NTRK2: variants seen among roughly 807,000 people sequenced by gnomAD.
NTRK2 encodes neurotrophic receptor tyrosine kinase 2.
In NTRK2, 13 loss-of-function variants were observed where a neutral mutation model predicts 94.5. The ratio of observed to expected loss-of-function variants is 0.14; its 90% CI spans 0.09 to 0.22. The LOEUF (loss-of-function observed/expected upper bound fraction) is 0.22. Among genes scored for constraint, NTRK2 ranks in the 10% least tolerant of loss-of-function variants. NTRK2 has a pLI of 1.00. For missense variants in NTRK2, 639 were observed against 1,071.2 expected, an observed-to-expected ratio of 0.60 and a Z score of 5.63; for synonymous variants, 372 against 407.4, an observed-to-expected ratio of 0.91 and a Z score of 1.05.
At chr9:84,770,153 AACACACACACACACACACAC>A (rs35363257) in intron 12 of NTRK2, among the ~76,000 whole-genome samples, 1 of 136,956 alleles carries the variant, frequency 7.3e-6, no homozygotes, top group Admixed American at 7.4e-5. Context: ...TGTGCATGAG[AACACACACACACACACACAC>A]ACACACACAC....
chr9:84,902,784 G>A (rs1227207659), intron 14 of NTRK2, among the ~76,000 whole-genome samples: 1 of 152,158 alleles, frequency 6.6e-6, no homozygotes, highest in African/African-American at 2.4e-5. Flanking sequence ...CTGGCAGAGA[G>A]CGCTGGTTCA....
At chr9:84,683,357 AC>A (rs2059509858) in intron 2 of NTRK2, among the ~76,000 whole-genome samples, 1 of 151,820 alleles carries the variant, frequency 6.6e-6, no homozygotes, top group Non-Finnish European at 1.5e-5. Flanking sequence ...CCAACCCCTG[AC>A]AGGCCCTGGT....
At chr9:84,948,195 G>T (rs1225318683) in intron 15 of NTRK2, among the ~76,000 whole-genome samples, 1 of 152,168 alleles carries the variant, frequency 6.6e-6, no homozygotes, top group Admixed American at 6.5e-5. Flanking sequence ...GAATTATTGG[G>T]TGCAGACCAG....
chr9:84,797,264 C>T (rs1006665754), intron 12 of NTRK2, among the ~76,000 whole-genome samples: 1 of 151,882 alleles, frequency 6.6e-6, no homozygotes, highest in Non-Finnish European at 1.5e-5. Flanking sequence ...CTGGAACACA[C>T]CGACTCATTT....
rs200516383 is a variant in NTRK2, at chr9:84,670,470, C to T, written c.-279C>T. On this transcript the variant is annotated 5_prime_UTR_variant, in exon 2 of 19. Transcript: ENST00000277120. ...CGCCGCCGGTCGGTGCCCGGCGCGC[C>T]GGGCCATGCAGCGACGGCCGCCGCG... is the stretch of plus-strand genomic sequence containing the variant. The T allele has an allele frequency of 2.0e-6, 1 of 501,968 alleles. No individual in the cohort carries two copies. The highest frequency in any genetic ancestry group is 1.9e-5 in the African/African-American group (1 of 51,826). 31.1% of individuals were successfully genotyped at this position (501,968 alleles called of 1,614,324 possible). A position where few individuals can be genotyped will look rare whatever the true frequency, so the allele number is the denominator to read the frequency against.
At chr9:84,873,365 T>C (rs2075942612) in intron 14 of NTRK2, 4 of 1,058,504 alleles carry the variant, frequency 3.8e-6, no homozygotes, top group Non-Finnish European at 4.6e-6. Flanking sequence ...GGACAGAGAA[T>C]GCACTTATTT....
At chr9:84,864,858 A>T (rs1210824423) in intron 13 of NTRK2, among the ~76,000 whole-genome samples, 1 of 142,498 alleles carries the variant, frequency 7.0e-6, no homozygotes, top group Non-Finnish European at 1.5e-5. Flanking sequence ...CTCCTGTTTC[A>T]GCCCCCCGAG....
chr9:84,915,549 C>T (rs1235765307), intron 14 of NTRK2, among the ~76,000 whole-genome samples: 3 of 152,164 alleles, frequency 2.0e-5, no homozygotes, highest in Non-Finnish European at 4.4e-5. Flanking sequence ...ATCTGAGGCC[C>T]TCTCCAGAAG....
intron 14 of NTRK2, among the ~76,000 whole-genome samples, chr9:84,886,886 T>C (rs948396465): frequency 3.3e-5 from 5 of 152,172 alleles, no homozygotes; most frequent in African/African-American, 7.2e-5. Context: ...TCTTTGAGAA[T>C]TGGAATTTGA....
At chr9:84,711,348 C>T (rs764725564) in intron 6 of NTRK2, among the ~76,000 whole-genome samples, 3 of 152,224 alleles carry the variant, frequency 2.0e-5, no homozygotes, top group Non-Finnish European at 4.4e-5. Context: ...ACTTTACCGT[C>T]ATCCCCTATT....
intron 2 of NTRK2, among the ~76,000 whole-genome samples, chr9:84,700,920 G>GTCCATCCA (rs573326112): frequency 6.6e-6 from 1 of 151,912 alleles, no homozygotes; most frequent in East Asian, 1.9e-4. Flanking sequence ...CCATCCATCC[G>GTCCATCCA]TCCATCCATC....
chr9:84,860,872 C>T (rs2075301524), intron 12 of NTRK2, among the ~76,000 whole-genome samples, 168 bp from the exon 13 acceptor site: 1 of 151,460 alleles, frequency 6.6e-6, no homozygotes. Context: ...TGATAGGAAG[C>T]TTTCATCCCA....
At chr9:84,811,896 T>G (rs2071836271) in intron 12 of NTRK2, 1 of 1,064,200 alleles carries the variant, frequency 9.4e-7, no homozygotes, top group South Asian at 4.6e-5. Context: ...TGAAGAGAGG[T>G]TTGGCTATCC....
At chr9:84,741,171 A>G (rs781434095) in intron 9 of NTRK2, among the ~76,000 whole-genome samples, 10 of 152,224 alleles carry the variant, frequency 6.6e-5, no homozygotes, top group Non-Finnish European at 1.3e-4. Context: ...GGCAAGTCTC[A>G]TAGGAATACC....
intron 12 of NTRK2, among the ~76,000 whole-genome samples, chr9:84,833,088 C>G (rs967262757): frequency 8.4e-6 from 1 of 118,938 alleles, no homozygotes; most frequent in Non-Finnish European, 1.6e-5. Context: ...ATTCTTGGGC[C>G]TCATTGGTGG....
chr9:84,686,188 A>G (rs961391559), intron 2 of NTRK2, among the ~76,000 whole-genome samples: 11 of 152,252 alleles, frequency 7.2e-5, no homozygotes, highest in Non-Finnish European at 1.6e-4. Context: ...ATTAAAGTGC[A>G]CAGTGTTAGT....
At chr9:84,734,357 CA>C (rs2063103998) in intron 9 of NTRK2, among the ~76,000 whole-genome samples, 1 of 152,188 alleles carries the variant, frequency 6.6e-6, no homozygotes, top group East Asian at 1.9e-4. Context: ...GCCCTGTAGC[CA>C]TTAGGGAGCA....
At chr9:84,879,295 A>C (rs1488684098) in intron 14 of NTRK2, among the ~76,000 whole-genome samples, 1 of 152,086 alleles carries the variant, frequency 6.6e-6, no homozygotes, top group Non-Finnish European at 1.5e-5. Flanking sequence ...AAAATGGATA[A>C]AATTTTTAAA....
At chr9:84,917,692 A>C (rs1365945355) in intron 14 of NTRK2, among the ~76,000 whole-genome samples, 1 of 152,188 alleles carries the variant, frequency 6.6e-6, no homozygotes, top group African/African-American at 2.4e-5. Context: ...TAAATCTAAG[A>C]GTGACAATCT....
Sources: gnomAD v4.1 joint callset for allele counts (sites outside exome capture counted in the v4.1 genomes callset) on GRCh38, gnomAD v4.1.1 for gene constraint, MANE v1.5 for transcripts, NCBI Gene and HGNC (gene_info 2026-07-23, HGNC 2026-07-21) for gene names.